APPBP2: variants seen among roughly 807,000 people sequenced by gnomAD.
APPBP2 encodes the protein amyloid protein-binding protein 2.
A neutral mutation model predicts 76.0 loss-of-function variants in APPBP2; 15 were observed. The ratio of observed to expected loss-of-function variants is 0.20; its 90% CI spans 0.13 to 0.30. The LOEUF is 0.30. Ranked by LOEUF, APPBP2 falls within the 10% of genes least tolerant of loss-of-function variation. The pLI, the probability that APPBP2 is intolerant of heterozygous loss-of-function variation, is 1.00. For missense variants in APPBP2, 401 were observed against 687.2 expected, an observed-to-expected ratio of 0.58 and a Z score of 4.66; for synonymous variants, 222 against 242.2, an observed-to-expected ratio of 0.92 and a Z score of 0.77.
chr17:60,520,725 A>C (rs574244672), intron 1 of APPBP2, among the ~76,000 whole-genome samples: 2 of 152,114 alleles, frequency 1.3e-5, no homozygotes, highest in South Asian at 4.1e-4. Flanking sequence ...AAAGATCATA[A>C]ACTTCATTCA....
At chr17:60,454,872 T>G (rs1239939175) in intron 10 of APPBP2, among the ~76,000 whole-genome samples, 1 of 152,202 alleles carries the variant, frequency 6.6e-6, no homozygotes, top group African/African-American at 2.4e-5. Flanking sequence ...TCTGAAAATT[T>G]TGAAAACACA....
chr17:60,447,910 C>T, intron 12 of APPBP2, 76 bp from the exon 13 acceptor site: 3 of 1,363,192 alleles, frequency 2.2e-6, no homozygotes, highest in Non-Finnish European at 3.0e-6. Flanking sequence ...AACATGAACA[C>T]AAGTTCAATT....
chr17:60,461,640 T>C (rs2090476549), intron 8 of APPBP2, 170 bp downstream of exon 8: 2 of 498,804 alleles, frequency 4.0e-6, no homozygotes, highest in South Asian at 8.0e-5. Flanking sequence ...TCCCAAAGCA[T>C]TAACTTTTAC....
intron 1 of APPBP2, among the ~76,000 whole-genome samples, chr17:60,506,216 A>T (rs1339943230): frequency 4.0e-5 from 6 of 150,238 alleles, no homozygotes; most frequent in African/African-American, 1.5e-4. Flanking sequence ...TGGTGTACAA[A>T]CTCTTGGGCT....
rs1055021447 is a variant in APPBP2 at position 60,444,684 on chromosome 17, A to C, written c.*2897T>G. Reference sequence around the variant, plus strand: ...GCAAAGTCAGCTTTGAGGATCCATAAAGATTATGCTCTAAAAATTCCAATT... The same window carrying C: ...GCAAAGTCAGCTTTGAGGATCCATACAGATTATGCTCTAAAAATTCCAATT... On this transcript the variant is annotated 3_prime_UTR_variant, in exon 13 of 13. Coordinates refer to ENST00000083182, the MANE Select transcript of APPBP2 (RefSeq NM_006380.5). 8 of 152,308 alleles carry C rather than the reference A, an allele frequency of 5.3e-5. No individual in the cohort carries two copies. The highest frequency in any genetic ancestry group is 8.8e-5 in the Non-Finnish European group (6 of 68,028). 9.4% of individuals were successfully genotyped at this position (152,308 alleles called of 1,614,324 possible).
intron 2 of APPBP2, chr17:60,496,434 A>C (rs902115761): frequency 2.6e-5 from 4 of 152,216 alleles, no homozygotes; most frequent in African/African-American, 9.6e-5. Flanking sequence ...GACTTGGTGA[A>C]AGATAACCTA....
chr17:60,466,582 A>G lies in APPBP2; in HGVS notation c.504-123T>C, dbSNP rs183455261. The G allele has an allele frequency of 2.7e-5, 27 of 996,756 alleles. No individual in the cohort carries two copies. In the Admixed American group the frequency reaches 5.8e-4, roughly 21 times the overall value. 61.7% of individuals were successfully genotyped at this position (996,756 alleles called of 1,614,324 possible). A position where few individuals can be genotyped will look rare whatever the true frequency, so the allele number is the denominator to read the frequency against. On this transcript the variant is annotated intron_variant, in intron 4 of 12. Transcript: ENST00000083182. ...ATACAATTACAAGGCAGCATTGAAA[A>G]TAAGTGTGTGGCCCAAATTGGAGTT... is the stretch of plus-strand genomic sequence containing the variant.
chr17:60,516,447 G>A (rs1336120830), intron 1 of APPBP2, among the ~76,000 whole-genome samples: 2 of 152,028 alleles, frequency 1.3e-5, no homozygotes, highest in African/African-American at 2.4e-5. Flanking sequence ...ATGAACCAAG[G>A]GTTATAAAGG....
chr17:60,470,196 C>T (rs142639190), intron 4 of APPBP2, among the ~76,000 whole-genome samples: 1 of 152,220 alleles, frequency 6.6e-6, no homozygotes, highest in East Asian at 1.9e-4. Flanking sequence ...CTTATCTTTT[C>T]ATGTGCTTAC....
intron 4 of APPBP2, among the ~76,000 whole-genome samples, chr17:60,471,358 C>T (rs985340784): frequency 3.9e-5 from 6 of 152,154 alleles, no homozygotes; most frequent in African/African-American, 1.2e-4. Flanking sequence ...ATGTTGAATA[C>T]CACTAGTGAA....
At chr17:60,460,527 G>C (rs779068390) in intron 9 of APPBP2, 136 bp downstream of exon 9, 3 of 894,450 alleles carry the variant, frequency 3.4e-6, no homozygotes, top group Non-Finnish European at 4.7e-6. Flanking sequence ...TTCTGATAAA[G>C]CTCCAGGAAG....
rs374190547 is a variant in APPBP2 at position 60,520,134 on chromosome 17, T to C, written c.138+5660A>G. On this transcript the variant is annotated intron_variant, in intron 1 of 12. Transcript: ENST00000083182. ...GAAAACTGAATGTTAGTTCAGGCTG[T>C]ATGTAGCTATACAACTGAAATATAC... is the stretch of plus-strand genomic sequence containing the variant. 9.9e-5 allele frequency among the ~76,000 whole-genome samples: 15 copies of C among 152,250 alleles called. No homozygotes were observed. The East Asian group carries it at 2.1e-3, about 22-fold the overall frequency.
intron 12 of APPBP2, among the ~76,000 whole-genome samples, chr17:60,451,240 T>C (rs1197697028): frequency 6.6e-6 from 1 of 152,046 alleles, no homozygotes; most frequent in South Asian, 2.1e-4. Flanking sequence ...ATGTTAAAGG[T>C]AGGAGAAGGG....
chr17:60,512,958 CTTTT>C (rs58923452), intron 1 of APPBP2, among the ~76,000 whole-genome samples: 21 of 127,156 alleles, frequency 1.7e-4, no homozygotes, highest in African/African-American at 2.1e-4. Context: ...TTTTCTTTTC[CTTTT>C]TTTTTTTTTT....
chr17:60,471,400 TG>T (rs1430356059), intron 4 of APPBP2, among the ~76,000 whole-genome samples: 1 of 152,176 alleles, frequency 6.6e-6, no homozygotes, highest in Non-Finnish European at 1.5e-5. Context: ...CCTGATCCTA[TG>T]GGGGAAGCTT....
At chr17:60,447,964 A>G in intron 12 of APPBP2, 130 bp from the exon 13 acceptor site, 6 of 834,686 alleles carry the variant, frequency 7.2e-6, no homozygotes, top group Non-Finnish European at 1.1e-5. Context: ...AAAGGAATAG[A>G]TATAATTCTT....
At chr17:60,475,787 A>G (rs2090586681) in intron 4 of APPBP2, among the ~76,000 whole-genome samples, 1 of 152,178 alleles carries the variant, frequency 6.6e-6, no homozygotes, top group Non-Finnish European at 1.5e-5. Context: ...GTTTAAAAAC[A>G]TAATAAATAG....
In APPBP2 at chr17:60,526,080, C is replaced by T; in HGVS notation, c.-149G>A. On this transcript the variant is annotated 5_prime_UTR_variant, in exon 1 of 13. Coordinates refer to ENST00000083182, the MANE Select transcript of APPBP2 (RefSeq NM_006380.5). ...GGCAGAAGGCACGGCCGCCCTGCCTCCTCCGGGGGCAAACTGAGGGACGGC... is the reference window on the plus strand; with the variant it reads ...GGCAGAAGGCACGGCCGCCCTGCCTTCTCCGGGGGCAAACTGAGGGACGGC... 1.4e-6 allele frequency: 1 copy of T among 706,538 alleles called. No individual in the cohort carries two copies. The highest frequency in any genetic ancestry group is 2.8e-5 in the East Asian group (1 of 36,178). 43.8% of individuals were successfully genotyped at this position (706,538 alleles called of 1,614,324 possible). A position where few individuals can be genotyped will look rare whatever the true frequency, so the allele number is the denominator to read the frequency against.
At chr17:60,512,832 T>TAAAAAAAAAAAAAA (rs770075935) in intron 1 of APPBP2, among the ~76,000 whole-genome samples, 6 of 29,914 alleles carry the variant, frequency 2.0e-4, no homozygotes, top group African/African-American at 8.0e-4. Context: ...AGACTCCATC[T>TAAAAAAAAAAAAAA]AAAAAAAAAA....
Sources: allele counts gnomAD v4.1 joint callset (sites outside exome capture counted in the v4.1 genomes callset), GRCh38; gene constraint gnomAD v4.1.1; transcripts MANE v1.5; gene names NCBI Gene and HGNC (gene_info 2026-07-23, HGNC 2026-07-21).